VEPH1: variants seen among roughly 807,000 people sequenced by gnomAD.
VEPH1 encodes ventricular zone-expressed PH domain-containing protein homolog 1.
A neutral mutation model predicts 85.2 loss-of-function variants in VEPH1; 80 were observed. That is an observed-to-expected ratio of 0.94 (90% CI 0.78 to 1.13). The LOEUF (loss-of-function observed/expected upper bound fraction) is 1.13. Ranked by LOEUF, VEPH1 falls within the 50% of genes most tolerant of loss-of-function variation. The pLI is 0.00. For missense variants in VEPH1, 955 were observed against 980.5 expected (o/e 0.97, Z 0.35); for synonymous variants, 297 against 348.0 (o/e 0.85, Z 1.63).
intron 12 of VEPH1, among the ~76,000 whole-genome samples, chr3:157,275,179 G>C (rs778986185): frequency 2.0e-5 from 3 of 152,056 alleles, no homozygotes; most frequent in Non-Finnish European, 4.4e-5. Flanking sequence ...ACTCATATTT[G>C]AGACTGTCAT....
intron 4 of VEPH1, among the ~76,000 whole-genome samples, chr3:157,453,152 C>T (rs978099222): frequency 1.3e-5 from 2 of 152,186 alleles, no homozygotes; most frequent in Non-Finnish European, 2.9e-5. Flanking sequence ...TAGAGGCCTA[C>T]ACCAATCGCA....
chr3:157,387,267 C>T (rs953380057), intron 6 of VEPH1, among the ~76,000 whole-genome samples: 1 of 152,122 alleles, frequency 6.6e-6, no homozygotes, highest in African/African-American at 2.4e-5. Context: ...AAAAACAGAA[C>T]ACAACTCAGA....
intron 9 of VEPH1, among the ~76,000 whole-genome samples, chr3:157,334,027 C>A (rs1402061224): frequency 6.6e-6 from 1 of 152,096 alleles, no homozygotes; most frequent in Non-Finnish European, 1.5e-5. Flanking sequence ...TTTATTATGT[C>A]CGATATGTTG....
chr3:157,403,573 A>C (rs538963238), intron 6 of VEPH1, among the ~76,000 whole-genome samples: 101 of 152,236 alleles, frequency 6.6e-4, no homozygotes, highest in African/African-American at 2.4e-3. Context: ...TTTTTATAGC[A>C]GAGGGATTGG....
chr3:157,395,085 A>C (rs1458902275), intron 6 of VEPH1, among the ~76,000 whole-genome samples: 1 of 152,190 alleles, frequency 6.6e-6, no homozygotes, highest in African/African-American at 2.4e-5. Flanking sequence ...GAACGCCATG[A>C]TCACGAATGC....
In VEPH1 at chr3:157,495,362, T is replaced by C. The variant is rs201613772; in HGVS notation, c.-13A>G. On this transcript the variant is annotated 5_prime_UTR_variant, in exon 2 of 14. Transcript: ENST00000362010. ...ACAGTTGATGCATGGTGAGGATGAG[T>C]TTGATCAGTTGACTTTCTACAGACC... 2.5e-6 allele frequency: 4 copies of C among 1,613,056 alleles called. No homozygotes were observed. The Admixed American group carries it at 6.7e-5, about 27-fold the overall frequency.
At chr3:157,323,863 A>G (rs1181589082) in intron 9 of VEPH1, among the ~76,000 whole-genome samples, 1 of 152,172 alleles carries the variant, frequency 6.6e-6, no homozygotes, top group African/African-American at 2.4e-5. Flanking sequence ...AAAGGTCTGT[A>G]AAGTTATAGA....
chr3:157,374,544 A>C (rs1727880303), intron 7 of VEPH1, among the ~76,000 whole-genome samples: 1 of 152,224 alleles, frequency 6.6e-6, no homozygotes, highest in South Asian at 2.1e-4. Context: ...TCCATAGAGC[A>C]TGGGCTGTGA....
intron 7 of VEPH1, among the ~76,000 whole-genome samples, chr3:157,369,180 G>GAAACAAAAAAAAAAAAAAA (rs1727119334): frequency 2.3e-5 from 1 of 42,780 alleles, no homozygotes; most frequent in South Asian, 2.3e-3. Context: ...AAAACCAAAT[G>GAAACAAAAAAAAAAAAAAA]AAAAAAAAAA....
chr3:157,276,246 C>T (rs896848175), intron 12 of VEPH1, among the ~76,000 whole-genome samples: 2 of 152,192 alleles, frequency 1.3e-5, no homozygotes, highest in Non-Finnish European at 2.9e-5. Context: ...ACATATGCTT[C>T]TCTGACCAAT....
intron 6 of VEPH1, among the ~76,000 whole-genome samples, chr3:157,409,378 T>A (rs1016824517): frequency 6.6e-6 from 1 of 152,160 alleles, no homozygotes; most frequent in African/African-American, 2.4e-5. Flanking sequence ...ACTGGATAGA[T>A]CTTTACTGAA....
intron 9 of VEPH1, among the ~76,000 whole-genome samples, chr3:157,345,186 ATAAAC>A (rs1242325074): frequency 6.6e-6 from 1 of 152,192 alleles, no homozygotes; most frequent in Non-Finnish European, 1.5e-5. Flanking sequence ...TGGGACCTAA[ATAAAC>A]TAAAGAGTTT....
In VEPH1 at chr3:157,363,616, T is replaced by G; in HGVS notation, c.1483A>C (p.Lys495Gln). ...LGQGNDKLPF[K>Q]TDTERSQLGE... ...AGCTGTGATCTCTCAGTGTCTGTCT[T>G]AAACGGCAGCTTGTCATTTCCTTGG... is the stretch of plus-strand genomic sequence containing the variant. The change falls in exon 9 of 14, where the codon AAG (lysine) becomes CAG (glutamine). Residue 495 changes from lysine (K) to glutamine (Q), a missense_variant. Coordinates refer to ENST00000362010, the MANE Select transcript of VEPH1 (RefSeq NM_001167912.2). 6.2e-7 allele frequency: 1 copy of G among 1,614,174 alleles called. No individual in the cohort carries two copies. The highest frequency in any genetic ancestry group is 8.5e-7 in the Non-Finnish European group (1 of 1,180,012).
intron 4 of VEPH1, among the ~76,000 whole-genome samples, chr3:157,444,463 C>T (rs974671063): frequency 3.3e-5 from 5 of 152,158 alleles, no homozygotes; most frequent in African/African-American, 7.2e-5. Flanking sequence ...AACCCACAAA[C>T]GAGGCTAAGC....
intron 11 of VEPH1, among the ~76,000 whole-genome samples, chr3:157,303,399 T>G (rs2108468492): frequency 6.6e-6 from 1 of 152,342 alleles, no homozygotes; most frequent in African/African-American, 2.4e-5. Context: ...GTGGTTGGTA[T>G]AGAGCAGGCA....
chr3:157,438,354 G>A (rs1394950129), intron 4 of VEPH1, among the ~76,000 whole-genome samples: 2 of 152,034 alleles, frequency 1.3e-5, no homozygotes, highest in African/African-American at 2.4e-5. Context: ...CTTTAGAGGA[G>A]CTCTGGTTTC....
chr3:157,269,085 G>A (rs1177799944), intron 12 of VEPH1, among the ~76,000 whole-genome samples: 1 of 152,216 alleles, frequency 6.6e-6, no homozygotes, highest in African/African-American at 2.4e-5. Context: ...TGATATCTGA[G>A]ATGATTTGAA....
intron 9 of VEPH1, among the ~76,000 whole-genome samples, chr3:157,330,147 G>T (rs909873589): frequency 6.6e-6 from 1 of 152,162 alleles, no homozygotes; most frequent in African/African-American, 2.4e-5. Context: ...AAAGCATGAA[G>T]AAGCTCACAG....
intron 11 of VEPH1, among the ~76,000 whole-genome samples, chr3:157,296,090 C>G (rs1017272239): frequency 3.9e-5 from 6 of 152,160 alleles, no homozygotes; most frequent in African/African-American, 1.4e-4. Context: ...GCAGAAATCA[C>G]ATTGCAAAAG....
Sources: allele counts gnomAD v4.1 joint callset (sites outside exome capture counted in the v4.1 genomes callset), GRCh38; gene constraint gnomAD v4.1.1; transcripts MANE v1.5; gene names NCBI Gene and HGNC (gene_info 2026-07-23, HGNC 2026-07-21).